The following TRHDE variants were observed in gnomAD, a reference collection of about 807,000 sequenced individuals.
TRHDE encodes thyrotropin-releasing hormone-degrading ectoenzyme.
A neutral mutation model predicts 125.7 loss-of-function variants in TRHDE; 72 were observed. The observed-to-expected ratio is 0.57, with a 90% confidence interval of 0.47 to 0.70. The LOEUF (loss-of-function observed/expected upper bound fraction) is 0.70. Among genes scored for constraint, TRHDE ranks in the 30% least tolerant of loss-of-function variants. The probability of loss-of-function intolerance (pLI) is 0.00; values close to 1 mark genes in which losing one functional copy is unlikely to be tolerated. For missense variants in TRHDE, 1,110 were observed against 1,327.1 expected (o/e 0.84, Z 2.54); for synonymous variants, 509 against 509.1 (o/e 1.00, Z 0.00).
intron 12 of TRHDE, among the ~76,000 whole-genome samples, chr12:72,616,462 T>C (rs1376434965): frequency 1.3e-5 from 2 of 152,108 alleles, no homozygotes; most frequent in African/African-American, 4.8e-5. Context: ...AGACACAGAA[T>C]GTGAGGGCTG....
intron 3 of TRHDE, among the ~76,000 whole-genome samples, chr12:72,429,783 T>A (rs1374726560): frequency 1.3e-5 from 2 of 152,146 alleles, no homozygotes; most frequent in African/African-American, 4.8e-5. Context: ...ATGTTGAGCA[T>A]CTTTTCATGT....
At chr12:72,150,451 G>T (rs1414432442) in intron 2 of TRHDE, among the ~76,000 whole-genome samples, 1 of 151,518 alleles carries the variant, frequency 6.6e-6, no homozygotes, top group Non-Finnish European at 1.5e-5. Flanking sequence ...ACTACGTGCA[G>T]GTTAGTTATA....
chr12:72,189,432 A>G (rs1877294385), intron 2 of TRHDE, among the ~76,000 whole-genome samples: 1 of 152,226 alleles, frequency 6.6e-6, no homozygotes, highest in Non-Finnish European at 1.5e-5. Context: ...GCTTCTCTGT[A>G]TATGCAGACT....
intron 15 of TRHDE, among the ~76,000 whole-genome samples, chr12:72,648,554 G>A (rs936326501): frequency 6.6e-6 from 1 of 152,044 alleles, no homozygotes; most frequent in African/African-American, 2.4e-5. Context: ...ATATTTTCAG[G>A]ATATAAAATC....
chr12:72,240,811 A>C (rs1878463125), intron 2 of TRHDE, among the ~76,000 whole-genome samples: 1 of 152,068 alleles, frequency 6.6e-6, no homozygotes, highest in Admixed American at 6.6e-5. Context: ...TGACCTCGTG[A>C]TCCACCCACC....
intron 6 of TRHDE, 119 bp downstream of exon 6, chr12:72,499,754 A>G: frequency 1.8e-6 from 2 of 1,098,734 alleles, no homozygotes; most frequent in Non-Finnish European, 2.5e-6. Context: ...ACTGTGATTT[A>G]GAAAACAGAG....
chr12:72,384,428 A>G (rs896118299), intron 3 of TRHDE, among the ~76,000 whole-genome samples: 18 of 152,194 alleles, frequency 1.2e-4, no homozygotes. Flanking sequence ...CTCGCACAAT[A>G]TGGAATATAA....
At chr12:72,362,697 G>A (rs1437733745) in intron 2 of TRHDE, among the ~76,000 whole-genome samples, 2 of 151,792 alleles carry the variant, frequency 1.3e-5, no homozygotes, top group Non-Finnish European at 2.9e-5. Context: ...ATGGTTTTAG[G>A]TCTAACGTTT....
chr12:72,373,451 G>A (rs1433761483), intron 2 of TRHDE, among the ~76,000 whole-genome samples: 3 of 152,132 alleles, frequency 2.0e-5, no homozygotes, highest in African/African-American at 4.8e-5. Flanking sequence ...GTGAGAGAGG[G>A]CATCCCTGTC....
chr12:72,606,392 T>G (rs191618594), intron 12 of TRHDE, among the ~76,000 whole-genome samples: 2 of 152,268 alleles, frequency 1.3e-5, no homozygotes, highest in African/African-American at 4.8e-5. Flanking sequence ...AAGGTCAGAA[T>G]ATAGATGCAT....
chr12:72,123,349 T>C (rs1327410069), intron 2 of TRHDE, among the ~76,000 whole-genome samples: 1 of 152,166 alleles, frequency 6.6e-6, no homozygotes, highest in East Asian at 1.9e-4. Flanking sequence ...AATAAATATC[T>C]ATTAAAATAT....
intron 5 of TRHDE, among the ~76,000 whole-genome samples, chr12:72,476,693 C>G (rs549236318): frequency 6.6e-6 from 1 of 152,244 alleles, no homozygotes; most frequent in African/African-American, 2.4e-5. Flanking sequence ...AAGGCTCAAA[C>G]ACTGAAAAAC....
At chr12:72,660,921 A>G (rs1874892148) in intron 18 of TRHDE, among the ~76,000 whole-genome samples, 1 of 152,124 alleles carries the variant, frequency 6.6e-6, no homozygotes. Flanking sequence ...AGGCACTGTG[A>G]GCATGCGCTA....
At chr12:72,352,407 G>A (rs935445304) in intron 2 of TRHDE, among the ~76,000 whole-genome samples, 20 of 151,796 alleles carry the variant, frequency 1.3e-4, no homozygotes, top group South Asian at 4.1e-4. Context: ...ATTCAACAGC[G>A]TCATTTATTA....
At chr12:72,478,735 G>A (rs748390976) in intron 5 of TRHDE, among the ~76,000 whole-genome samples, 1 of 152,018 alleles carries the variant, frequency 6.6e-6, no homozygotes, top group Non-Finnish European at 1.5e-5. Context: ...TATCTCCTGT[G>A]CTGTAGTTGT....
intron 15 of TRHDE, among the ~76,000 whole-genome samples, chr12:72,633,463 T>C (rs1398682604): frequency 1.3e-5 from 2 of 152,122 alleles, no homozygotes; most frequent in African/African-American, 4.8e-5. Flanking sequence ...GACTACCTTT[T>C]CCTTTGTTTC....
At chr12:72,138,931 G>C (rs1219901608) in intron 2 of TRHDE, among the ~76,000 whole-genome samples, 1 of 152,210 alleles carries the variant, frequency 6.6e-6, no homozygotes, top group Non-Finnish European at 1.5e-5. Context: ...GAACTTGGCT[G>C]TGGGAAGCAA....
intron 12 of TRHDE, among the ~76,000 whole-genome samples, chr12:72,616,814 T>C (rs1031098241): frequency 1.3e-5 from 2 of 152,086 alleles, no homozygotes; most frequent in African/African-American, 4.8e-5. Flanking sequence ...TAAATAAATC[T>C]TCAACATTAT....
intron 7 of TRHDE, 82 bp downstream of exon 7, chr12:72,542,438 T>C: frequency 8.4e-7 from 1 of 1,188,146 alleles, no homozygotes; most frequent in Non-Finnish European, 1.2e-6. Flanking sequence ...AATACAAAAT[T>C]GCTGAACTTG....
Sources: gnomAD v4.1 joint callset for allele counts (sites outside exome capture counted in the v4.1 genomes callset) on GRCh38, gnomAD v4.1.1 for gene constraint, MANE v1.5 for transcripts, NCBI Gene and HGNC (gene_info 2026-07-23, HGNC 2026-07-21) for gene names.